The following ZNF254 variants were observed in gnomAD, a reference collection of about 807,000 sequenced individuals.
The protein encoded by ZNF254 is CTD-2017D11.1.
A neutral mutation model predicts 12.4 loss-of-function variants in ZNF254; 10 were observed. The observed-to-expected ratio is 0.80, with a 90% CI of 0.50 to 1.36. ZNF254 has a LOEUF of 1.36. ZNF254 is among the 40% of genes most tolerant of loss of function. The pLI, the probability that ZNF254 is intolerant of heterozygous loss-of-function variation, is 0.00. For synonymous variants in ZNF254, 305 were observed against 253.4 expected (o/e 1.20, Z -1.93); for missense variants, 996 against 763.9 (o/e 1.30, Z -3.58).
At chr19:24,073,110 A>G (rs1304520878) in intron 2 of ZNF254, among the ~76,000 whole-genome samples, 1 of 152,216 alleles carries the variant, frequency 6.6e-6, no homozygotes, top group Non-Finnish European at 1.5e-5. Context: ...TTTGGATGGT[A>G]CAGAGAGTGT....
intron 2 of ZNF254, among the ~76,000 whole-genome samples, chr19:24,057,590 C>T (rs979777001): frequency 3.3e-5 from 5 of 152,180 alleles, no homozygotes; most frequent in African/African-American, 2.4e-5. Flanking sequence ...CACACCCAGC[C>T]GACAGTAAAG....
chr19:24,083,484 A>G (rs1265790041), upstream of ZNF254, among the ~76,000 whole-genome samples: 1 of 152,204 alleles, frequency 6.6e-6, no homozygotes, highest in Admixed American at 6.5e-5. Context: ...GAAACAAAAA[A>G]GAACCTGCAT....
chr19:24,117,693 T>G (rs542328996), intron 3 of ZNF254, among the ~76,000 whole-genome samples: 2 of 152,050 alleles, frequency 1.3e-5, no homozygotes, highest in African/African-American at 2.4e-5. Context: ...CACGCTTTGC[T>G]GCCCCCACTG....
intron 1 of ZNF254, among the ~76,000 whole-genome samples, chr19:24,034,796 T>C (rs1969905005): frequency 1.3e-5 from 2 of 151,626 alleles, no homozygotes; most frequent in Admixed American, 1.3e-4. Context: ...TTTTTTTTTT[T>C]TTTTTGAGAC....
intron 2 of ZNF254, among the ~76,000 whole-genome samples, chr19:24,048,351 G>T (rs1970490431): frequency 6.6e-6 from 1 of 152,268 alleles, no homozygotes; most frequent in Non-Finnish European, 1.5e-5. Flanking sequence ...ATGGCCCAGG[G>T]TGGAACTGGT....
chr19:24,068,170 A>C (rs1971347496), intron 2 of ZNF254, among the ~76,000 whole-genome samples: 2 of 152,108 alleles, frequency 1.3e-5, no homozygotes, highest in Non-Finnish European at 2.9e-5. Context: ...CACAAAGAAA[A>C]TATTGTGGCA....
chr19:24,065,312 G>T (rs1278306822), intron 2 of ZNF254, among the ~76,000 whole-genome samples: 4 of 152,146 alleles, frequency 2.6e-5, no homozygotes, highest in African/African-American at 9.7e-5. Flanking sequence ...TTCTTCCTAT[G>T]CCCTGCTTTC....
At chr19:24,071,492 T>A (rs1213077462) in intron 2 of ZNF254, among the ~76,000 whole-genome samples, 2 of 152,328 alleles carry the variant, frequency 1.3e-5, no homozygotes, top group Non-Finnish European at 1.5e-5. Context: ...TTGTGGCGTA[T>A]AACTAGGTGA....
chr19:24,035,182 G>T (rs1260924546), intron 1 of ZNF254, among the ~76,000 whole-genome samples: 1 of 152,050 alleles, frequency 6.6e-6, no homozygotes. Flanking sequence ...TGTTTTTTGT[G>T]AGATGGAGTC....
At chr19:24,101,833 T>G (rs375078443) in intron 1 of ZNF254, among the ~76,000 whole-genome samples, 9 of 152,226 alleles carry the variant, frequency 5.9e-5, no homozygotes, top group Admixed American at 2.6e-4. Context: ...CTGACAAGAG[T>G]GGGCAATTTT....
intron 1 of ZNF254, chr19:24,103,986 A>C (rs1973183393): frequency 6.6e-6 from 1 of 152,266 alleles, no homozygotes; most frequent in South Asian, 2.1e-4. Flanking sequence ...TGGCCTCCCA[A>C]AGTGTTGGGA....
chr19:24,086,680 A>T (rs142992112), upstream of ZNF254, among the ~76,000 whole-genome samples: 1,214 of 152,054 alleles, frequency 8.0e-3, 13 homozygotes, highest in African/African-American at 0.027. Flanking sequence ...TTTCACCATG[A>T]TAGTCAGGCT....
chr19:24,077,910 T>G (rs1167180792), intron 2 of ZNF254, among the ~76,000 whole-genome samples: 1 of 152,190 alleles, frequency 6.6e-6, no homozygotes, highest in Non-Finnish European at 1.5e-5. Context: ...TAATAGTACA[T>G]GTGTCCTCAG....
chr19:24,037,115 C>A (rs1402012345), intron 1 of ZNF254, among the ~76,000 whole-genome samples: 1 of 152,190 alleles, frequency 6.6e-6, no homozygotes, highest in Non-Finnish European at 1.5e-5. Context: ...CATAACCCTG[C>A]CTGAATCAGT....
At chr19:24,055,215 A>AC (rs1970798781) in intron 2 of ZNF254, among the ~76,000 whole-genome samples, 2 of 146,316 alleles carry the variant, frequency 1.4e-5, no homozygotes, top group African/African-American at 2.5e-5. Flanking sequence ...CAAAAAAAAA[A>AC]AAAAAAAAAA....
intron 1 of ZNF254, among the ~76,000 whole-genome samples, chr19:24,092,199 A>T (rs1214204092): frequency 4.5e-5 from 6 of 133,046 alleles, no homozygotes; most frequent in Non-Finnish European, 7.9e-5. Context: ...TGGAATTTTG[A>T]TGTTGTTGCC....
At chr19:24,062,863 C>T (rs1568434023) in intron 2 of ZNF254, among the ~76,000 whole-genome samples, 2 of 152,132 alleles carry the variant, frequency 1.3e-5, no homozygotes, top group Non-Finnish European at 2.9e-5. Flanking sequence ...AGCAGTGGCA[C>T]GATCTTGGCT....
At chr19:24,037,411 T>A (rs1970006306) in intron 1 of ZNF254, among the ~76,000 whole-genome samples, 1 of 152,172 alleles carries the variant, frequency 6.6e-6, no homozygotes, top group Non-Finnish European at 1.5e-5. Context: ...AAGCATTTAC[T>A]TTAGAAAACT....
intron 2 of ZNF254, among the ~76,000 whole-genome samples, chr19:24,057,335 G>A (rs1002214285): frequency 3.3e-5 from 5 of 152,172 alleles, no homozygotes; most frequent in Admixed American, 2.0e-4. Context: ...AGCTGAGGTG[G>A]TGACTCATTA....
Sources: gnomAD v4.1 joint callset for allele counts (sites outside exome capture counted in the v4.1 genomes callset) on GRCh38, gnomAD v4.1.1 for gene constraint, MANE v1.5 for transcripts, NCBI Gene and HGNC (gene_info 2026-07-23, HGNC 2026-07-21) for gene names.